SH3GL2: variants seen among roughly 807,000 people sequenced by gnomAD.
SH3GL2 encodes SH3 domain containing GRB2 like 2, endophilin A1, also known as endophilin-A1.
In SH3GL2, 24 loss-of-function variants were observed where a neutral mutation model predicts 46.0. That is an observed-to-expected ratio of 0.52 (90% CI 0.38 to 0.73). The LOEUF is 0.73. Among genes scored for constraint, SH3GL2 ranks in the 30% least tolerant of loss-of-function variants. SH3GL2 has a pLI of 0.00. For missense variants in SH3GL2, 413 were observed against 424.2 expected, an observed-to-expected ratio of 0.97 and a Z score of 0.23; for synonymous variants, 196 against 147.1, an observed-to-expected ratio of 1.33 and a Z score of -2.40.
At chr9:17,661,055 G>A (rs1321822136) in intron 1 of SH3GL2, among the ~76,000 whole-genome samples, 7 of 152,068 alleles carry the variant, frequency 4.6e-5, no homozygotes, top group African/African-American at 1.7e-4. Context: ...CCAGTTACTC[G>A]GGAGGCTGAG....
At chr9:17,766,736 G>T (rs1056355509) in intron 3 of SH3GL2, among the ~76,000 whole-genome samples, 5 of 151,816 alleles carry the variant, frequency 3.3e-5, no homozygotes, top group African/African-American at 1.2e-4. Context: ...TTTCAATTTG[G>T]ACTAGCCACA....
At chr9:17,792,689 A>T (rs1308417009) in intron 7 of SH3GL2, among the ~76,000 whole-genome samples, 1 of 152,070 alleles carries the variant, frequency 6.6e-6, no homozygotes, top group Admixed American at 6.5e-5. Flanking sequence ...TCACATTTTC[A>T]TCTGGAAACA....
intron 1 of SH3GL2, among the ~76,000 whole-genome samples, chr9:17,673,467 C>T (rs1021150885): frequency 6.6e-6 from 1 of 151,916 alleles, no homozygotes; most frequent in Non-Finnish European, 1.5e-5. Context: ...CTTGACTCAT[C>T]TCCCTGTCCC....
intron 1 of SH3GL2, among the ~76,000 whole-genome samples, chr9:17,729,313 T>TA (rs61037888): frequency 0.29 from 44,616 of 151,738 alleles, 7,909 homozygotes; most frequent in African/African-American, 0.49. Context: ...TTGATGGGGA[T>TA]TTTTTTTTCT....
At chr9:17,758,577 A>AAAAAAAAAAAAAAAAAAAT (rs1823075455) in intron 2 of SH3GL2, among the ~76,000 whole-genome samples, 1 of 134,466 alleles carries the variant, frequency 7.4e-6, no homozygotes, top group East Asian at 2.0e-4. Context: ...AAAAAAAAAA[A>AAAAAAAAAAAAAAAAAAAT]AAAAAAAAAA....
intron 2 of SH3GL2, among the ~76,000 whole-genome samples, chr9:17,761,109 T>C (rs774467722): frequency 1.3e-5 from 2 of 152,352 alleles, no homozygotes; most frequent in South Asian, 4.1e-4. Context: ...CCTGACCCAC[T>C]GTAGGCATCC....
At chr9:17,579,796 C>T (rs977583382) in intron 1 of SH3GL2, among the ~76,000 whole-genome samples, 2 of 152,152 alleles carry the variant, frequency 1.3e-5, no homozygotes, top group South Asian at 4.1e-4. Context: ...ACCCTCCTTC[C>T]CCGCCGCCCG....
intron 1 of SH3GL2, among the ~76,000 whole-genome samples, chr9:17,635,360 A>G (rs148473749): frequency 0.013 from 1,946 of 152,306 alleles, 60 homozygotes; most frequent in African/African-American, 0.044. Flanking sequence ...TATATGTACC[A>G]CATTTTCTTT....
intron 1 of SH3GL2, among the ~76,000 whole-genome samples, chr9:17,662,820 C>T (rs1820254500): frequency 6.6e-6 from 1 of 150,682 alleles, no homozygotes; most frequent in African/African-American, 2.4e-5. Context: ...AGCAATTCTG[C>T]TGCCTCAGCC....
chr9:17,765,306 T>C (rs112593401), intron 3 of SH3GL2, among the ~76,000 whole-genome samples: 3 of 128,166 alleles, frequency 2.3e-5, no homozygotes, highest in Non-Finnish European at 5.2e-5. Flanking sequence ...CGAGGGTACT[T>C]TGGGAGTACA....
intron 2 of SH3GL2, among the ~76,000 whole-genome samples, chr9:17,756,221 A>G (rs182995749): frequency 6.6e-6 from 1 of 152,180 alleles, no homozygotes; most frequent in African/African-American, 2.4e-5. Flanking sequence ...TCTCATTTCA[A>G]ATTTTTTCAA....
At chr9:17,636,525 G>A (rs2134634553) in intron 1 of SH3GL2, among the ~76,000 whole-genome samples, 1 of 152,230 alleles carries the variant, frequency 6.6e-6, no homozygotes, top group East Asian at 1.9e-4. Context: ...TTTCACTACT[G>A]GAGTCATGTC....
At chr9:17,715,704 A>C (rs140893231) in intron 1 of SH3GL2, among the ~76,000 whole-genome samples, 1 of 152,044 alleles carries the variant, frequency 6.6e-6, no homozygotes, top group Non-Finnish European at 1.5e-5. Flanking sequence ...TCCTCAACTC[A>C]TAATGGGCAT....
At chr9:17,600,758 A>C (rs139111791) in intron 1 of SH3GL2, among the ~76,000 whole-genome samples, 119 of 152,344 alleles carry the variant, frequency 7.8e-4, no homozygotes, top group African/African-American at 2.8e-3. Context: ...ATGCTGATCC[A>C]CAGTGTGGGA....
chr9:17,785,384 T>A (rs999709915), intron 3 of SH3GL2, among the ~76,000 whole-genome samples: 1 of 152,224 alleles, frequency 6.6e-6, no homozygotes, highest in East Asian at 1.9e-4. Context: ...GGTTGCAGGA[T>A]GTGCTCTCCT....
chr9:17,605,109 A>T (rs1818740064), intron 1 of SH3GL2, among the ~76,000 whole-genome samples: 1 of 151,552 alleles, frequency 6.6e-6, no homozygotes, highest in Non-Finnish European at 1.5e-5. Flanking sequence ...AGTAGCTGGG[A>T]ATACAGGCAT....
At chr9:17,729,328 A>C (rs1822111025) in intron 1 of SH3GL2, among the ~76,000 whole-genome samples, 1 of 151,828 alleles carries the variant, frequency 6.6e-6, no homozygotes. Context: ...TTTTCTTGTA[A>C]ATTTGTTTAA....
At chr9:17,605,782 A>G (rs979789343) in intron 1 of SH3GL2, among the ~76,000 whole-genome samples, 3 of 152,174 alleles carry the variant, frequency 2.0e-5, no homozygotes, top group East Asian at 3.9e-4. Context: ...TTACATTCCT[A>G]AAGACTCTCA....
At chr9:17,714,440 C>A (rs1821702902) in intron 1 of SH3GL2, among the ~76,000 whole-genome samples, 1 of 151,530 alleles carries the variant, frequency 6.6e-6, no homozygotes, top group Non-Finnish European at 1.5e-5. Flanking sequence ...TTATTCATTT[C>A]CTTTGTTTTT....
Sources: allele counts gnomAD v4.1 joint callset (sites outside exome capture counted in the v4.1 genomes callset), GRCh38; gene constraint gnomAD v4.1.1; transcripts MANE v1.5; gene names NCBI Gene and HGNC (gene_info 2026-07-23, HGNC 2026-07-21).